PCDHGB1: variants seen among roughly 807,000 people sequenced by gnomAD.
PCDHGB1 encodes the protein protocadherin gamma subfamily B, 1.
A neutral mutation model predicts 56.6 loss-of-function variants in PCDHGB1; 34 were observed. The ratio of observed to expected loss-of-function variants is 0.60; its 90% CI spans 0.46 to 0.80. PCDHGB1 has a LOEUF of 0.80. Ranked by LOEUF, PCDHGB1 falls within the 30% of genes least tolerant of loss-of-function variation. PCDHGB1 has a pLI of 0.00. For synonymous variants in PCDHGB1, 561 were observed against 505.9 expected (o/e 1.11, Z -1.46); for missense variants, 1,278 against 1,204.6 (o/e 1.06, Z -0.90).
At position 141,432,432 on chromosome 5, in the gene PCDHGB1, A is replaced by G. The variant is rs1431760497; in HGVS notation, c.2410-62375A>G. On this transcript the variant is annotated intron_variant, in intron 1 of 3. Transcript: ENST00000523390. This position sits in a 1 kb window ranked among gnomAD's most constrained non-coding sequence, Gnocchi z 6.0. ...CTGTTCGTGCTGGACCAGAACGACA[A>G]TGCGCCCGAGATCCTGTACCCCGCC... The G allele has an allele frequency of 2.5e-6, 4 of 1,614,156 alleles. No homozygotes were observed. Among genetic ancestry groups the G allele is most frequent in the Non-Finnish European group, 3.4e-6 (4 of 1,180,028 alleles).
rs2096663485 is a variant in PCDHGB1, at chr5:141,422,674, A to G, written c.2409+70005A>G. 3 of 1,606,698 alleles carry G rather than the reference A, an allele frequency of 1.9e-6. No individual in the cohort carries two copies. The East Asian group carries it at 6.7e-5, about 36-fold the overall frequency. On this transcript the variant is annotated intron_variant, in intron 1 of 3. Transcript: ENST00000523390. ...AGTGACCGCCCTCGACCCGGACAGC[A>G]AACAGAATGCCCTGGTCACTTACTC...
rs546241811 is a variant in PCDHGB1, at chr5:141,352,321, C to T, written c.2061C>T (p.Tyr687=). The stretch of plus-strand genomic sequence containing the variant: ...ACCCCCAGACGGAACTGCAGTTTTA[C>T]CTGGTTGTGGCCTTGGCCTTGATCT... ...PSDPQTELQF[Y]LVVALALISV... Residue 687 remains tyrosine, a synonymous_variant, in exon 1 of 4, where the codon TAC becomes TAT. Transcript: ENST00000523390. 212 of 1,614,078 alleles carry T rather than the reference C, an allele frequency of 1.3e-4. 3 individuals carry two copies. In the Middle Eastern group the frequency reaches 2.6e-3, roughly 20 times the overall value.
At chr5:141,385,312 C>T (rs1781113045) in intron 1 of PCDHGB1, 1 of 1,611,422 alleles carries the variant, frequency 6.2e-7, no homozygotes, top group African/African-American at 1.3e-5. Context: ...AGAAAACCTG[C>T]CAAGTATTCA....
At chr5:141,376,366 A>C in intron 1 of PCDHGB1, 1 of 1,614,206 alleles carries the variant, frequency 6.2e-7, no homozygotes, top group Non-Finnish European at 8.5e-7. Context: ...CACTCACTGC[A>C]GACTCGCGTA....
intron 1 of PCDHGB1, among the ~76,000 whole-genome samples, chr5:141,438,579 CATACATACATACAT>C (rs1434774868): frequency 9.0e-5 from 5 of 55,782 alleles, no homozygotes; most frequent in Admixed American, 2.8e-4. Context: ...GATATACATA[CATACATACATACAT>C]ATATATATAT....
intron 1 of PCDHGB1, chr5:141,388,667 G>A (rs1561620639): frequency 1.2e-6 from 2 of 1,613,918 alleles, no homozygotes; most frequent in Non-Finnish European, 8.5e-7. Flanking sequence ...GGACCACGGT[G>A]CTACAGGTGA....
rs1179382861 is a variant in PCDHGB1 at position 141,350,364 on chromosome 5, T to G, written c.104T>G (p.Ile35Ser). ...GAISQQIRYTIPEELANGSRV... is the reference protein window; with the variant it reads ...GAISQQIRYTSPEELANGSRV... Reference sequence around the variant, plus strand: ...ATCTCCCAGCAGATCCGATACACGATTCCAGAGGAGCTAGCCAACGGCTCA... The same window carrying G: ...ATCTCCCAGCAGATCCGATACACGAGTCCAGAGGAGCTAGCCAACGGCTCA... Residue 35 changes from isoleucine (I) to serine (S), a missense_variant, in exon 1 of 4, where the codon ATT becomes AGT. Physicochemically the swap from Ile to Ser is moderately radical, Grantham distance 142 (BLOSUM62 -2). Transcript: ENST00000523390. The G allele has an allele frequency of 2.5e-6, 4 of 1,579,086 alleles. No individual in the cohort carries two copies. The highest frequency in any genetic ancestry group is 2.6e-6 in the Non-Finnish European group (3 of 1,161,484).
At chr5:141,392,891 C>G in intron 1 of PCDHGB1, 1 of 1,613,594 alleles carries the variant, frequency 6.2e-7, no homozygotes, top group Non-Finnish European at 8.5e-7. Context: ...TGTGGGAAAT[C>G]GGGAGGGGAC....
chr5:141,364,546 G>C (rs149041036), intron 1 of PCDHGB1: 36,067 of 1,614,110 alleles, frequency 0.022, 502 homozygotes, highest in Non-Finnish European at 0.025. Flanking sequence ...GAGGTAGGAC[G>C]CAGCTTTTTG....
At position 141,432,252 on chromosome 5, in the gene PCDHGB1, G is replaced by A. The variant is rs749107567; in HGVS notation, c.2410-62555G>A. 3.7e-6 allele frequency: 6 copies of A among 1,614,220 alleles called. No homozygotes were observed. The highest frequency in any genetic ancestry group is 5.1e-6 in the Non-Finnish European group (6 of 1,180,042). ...TCCCTGGCTGAGAACACCATCCAAG[G>A]GGCAAGCCTATCGTCCTACGTGTCC... On this transcript the variant is annotated intron_variant, in intron 1 of 3. Coordinates refer to ENST00000523390, the MANE Select transcript of PCDHGB1 (RefSeq NM_018922.3). The surrounding 1 kb of genome is among the most constrained non-coding windows in gnomAD (Gnocchi z 6.0).
intron 1 of PCDHGB1, chr5:141,478,188 C>T (rs770414950): frequency 4.3e-6 from 7 of 1,613,920 alleles, no homozygotes; most frequent in Non-Finnish European, 5.9e-6. Flanking sequence ...AAAAATCTCA[C>T]CTTTTATCTA....
At chr5:141,399,854 G>A (rs747617678) in intron 1 of PCDHGB1, 6 of 1,612,786 alleles carry the variant, frequency 3.7e-6, no homozygotes, top group Non-Finnish European at 5.1e-6. Context: ...ATGGTGCCGC[G>A]CGCTGCAGAG....
Position 141,486,397 on chromosome 5 carries a change from G to A in PCDHGB1, c.2410-8410G>A, listed in dbSNP as rs778989869. The A allele has an allele frequency of 5.0e-6, 8 of 1,614,046 alleles. No individual in the cohort carries two copies. The South Asian group carries it at 7.7e-5, about 16-fold the overall frequency. ...CCTTCAGGAACCAGTTCTCCCTGGT[G>A]ACTGCTGGACCCTTGGATCGAGAGG... On this transcript the variant is annotated intron_variant, in intron 1 of 3. Transcript: ENST00000523390. The surrounding 1 kb of genome is among the most constrained non-coding windows in gnomAD (Gnocchi z 5.0).
chr5:141,412,893 A>C (rs1190008207), intron 1 of PCDHGB1: 6 of 340,884 alleles, frequency 1.8e-5, no homozygotes, highest in Non-Finnish European at 2.6e-5. Flanking sequence ...AGAATAGTTT[A>C]CTTTCCATTG....
rs558467940 is a variant in PCDHGB1, at chr5:141,373,761, G to C, written c.2409+21092G>C. Among the ~76,000 whole-genome samples the C allele has an allele frequency of 9.2e-5, 14 of 152,338 alleles. No individual in the cohort carries two copies. The East Asian group carries it at 2.5e-3, about 27-fold the overall frequency. ...ATTATCTTGGGGAGGGAAATATTAT[G>C]AGTGTCATCTCTGCAGATTTAGCAG... On this transcript the variant is annotated intron_variant, in intron 1 of 3. Transcript: ENST00000523390.
rs544678317 is a variant in PCDHGB1, at chr5:141,430,911, A to C, written c.2410-63896A>C. The C allele has an allele frequency of 1.9e-5, 31 of 1,607,958 alleles. No homozygotes were observed. The Admixed American group carries it at 2.2e-4, about 11-fold the overall frequency. ...TCTAGGGTGGGCGACATCTCCAGGG[A>C]CCTGGGGCTGGAGCCCCGGGAGCTC... On this transcript the variant is annotated intron_variant, in intron 1 of 3. Transcript: ENST00000523390.
chr5:141,417,768 C>A lies in PCDHGB1; in HGVS notation c.2409+65099C>A, dbSNP rs1444250512. On this transcript the variant is annotated intron_variant, in intron 1 of 3. Coordinates refer to ENST00000523390, the MANE Select transcript of PCDHGB1 (RefSeq NM_018922.3). ...ATTGCCAGCTCCGAGACCCGGGACT[C>A]CTCCTGTCCTGGGCCGAATGCTCTT... is the stretch of plus-strand genomic sequence containing the variant. 1.3e-5 allele frequency: 19 copies of A among 1,451,358 alleles called. No individual in the cohort carries two copies. In the South Asian group the frequency reaches 1.7e-4, roughly 13 times the overall value. The allele number at this position is 1,451,358 out of a possible 1,614,324, so 89.9% of individuals were successfully genotyped here. A position where few individuals can be genotyped will look rare whatever the true frequency, so the allele number is the denominator to read the frequency against.
chr5:141,428,222 C>A, intron 1 of PCDHGB1: 1 of 1,173,442 alleles, frequency 8.5e-7, no homozygotes, highest in Non-Finnish European at 1.2e-6. Flanking sequence ...CTAGTCTTCG[C>A]AGACAGCCTG....
intron 2 of PCDHGB1, among the ~76,000 whole-genome samples, chr5:141,496,582 G>A (rs991035985): frequency 1.9e-4 from 29 of 152,100 alleles, no homozygotes; most frequent in Non-Finnish European, 3.5e-4. Flanking sequence ...TTTTAGGAAC[G>A]CAAAGCGCTT....
Sources: allele counts gnomAD v4.1 joint callset (sites outside exome capture counted in the v4.1 genomes callset), GRCh38; gene constraint gnomAD v4.1.1; non-coding constraint Gnocchi (gnomAD v3.1); transcripts MANE v1.5; gene names NCBI Gene and HGNC (gene_info 2026-07-23, HGNC 2026-07-21).